TMBIM4: variants seen among roughly 807,000 people sequenced by gnomAD.
TMBIM4 encodes the protein protein lifeguard 4.
In TMBIM4, 28 loss-of-function variants were observed where a neutral mutation model predicts 27.7. That is an observed-to-expected ratio of 1.01 (90% CI 0.75 to 1.38). TMBIM4 has a LOEUF of 1.38. TMBIM4 is among the 40% of genes most tolerant of loss of function. TMBIM4 has a pLI of 0.00. For synonymous variants in TMBIM4, 115 were observed against 113.1 expected, an observed-to-expected ratio of 1.02 and a Z score of -0.11; for missense variants, 265 against 277.5, an observed-to-expected ratio of 0.95 and a Z score of 0.32.
intron 1 of TMBIM4, among the ~76,000 whole-genome samples, chr12:66,164,221 C>T (rs537505739): frequency 1.3e-5 from 2 of 152,074 alleles, no homozygotes; most frequent in African/African-American, 4.8e-5. Flanking sequence ...CTATGCAAAC[C>T]GACCCCCAAA....
At chr12:66,143,856 T>C (rs1476386857) in intron 5 of TMBIM4, among the ~76,000 whole-genome samples, 1 of 152,194 alleles carries the variant, frequency 6.6e-6, no homozygotes, top group Non-Finnish European at 1.5e-5. Flanking sequence ...CCACTTTGGC[T>C]TTGAGGCGTC....
chr12:66,158,508 ATG>A (rs2051983700), intron 1 of TMBIM4, among the ~76,000 whole-genome samples: 1 of 151,698 alleles, frequency 6.6e-6, no homozygotes. Context: ...GTGTGGTGGC[ATG>A]TGCCTGTAAT....
At chr12:66,169,228 A>C in intron 1 of TMBIM4, 1 of 697,032 alleles carries the variant, frequency 1.4e-6, no homozygotes, top group Non-Finnish European at 2.6e-6. Flanking sequence ...TGAGCATTTT[A>C]AATTCAAAAA....
At chr12:66,141,564 A>G (rs2051668523) in intron 5 of TMBIM4, among the ~76,000 whole-genome samples, 2 of 152,016 alleles carry the variant, frequency 1.3e-5, no homozygotes, top group African/African-American at 4.8e-5. Flanking sequence ...CCAAGATCCA[A>G]CTATGATTTC....
chr12:66,164,819 G>A (rs2052098886), intron 1 of TMBIM4, among the ~76,000 whole-genome samples: 1 of 152,196 alleles, frequency 6.6e-6, no homozygotes, highest in African/African-American at 2.4e-5. Context: ...TCACAAACAT[G>A]ACCTTACATG....
chr12:66,169,865 G>A lies in TMBIM4; in HGVS notation c.87C>T (p.His29=), dbSNP rs35353694. ...GAGGGGACAACGTACCCATTCGGAT[G>A]TGCACGGTGGCGGAGGCCACGCTGC... ...YGSSVASATV[H]IRMAFLRKVY... Residue 29 remains histidine (H), a synonymous_variant, in exon 1 of 7, where the codon CAC becomes CAT. Transcript: ENST00000358230. The A allele has an allele frequency of 9.5e-4, 1,445 of 1,513,678 alleles. 10 individuals are homozygous for A. In the African/African-American group the frequency reaches 0.014, roughly 15 times the overall value. 93.8% of individuals were successfully genotyped at this position (1,513,678 alleles called of 1,614,324 possible).
At chr12:66,166,464 CA>C (rs59822799) in intron 1 of TMBIM4, among the ~76,000 whole-genome samples, 9,474 of 100,172 alleles carry the variant, frequency 0.095, 243 homozygotes, top group East Asian at 0.34. Context: ...TACTTTGTCT[CA>C]AAAAAAAAAA....
intron 5 of TMBIM4, among the ~76,000 whole-genome samples, chr12:66,142,642 T>TGCC (rs1184575726): frequency 2.6e-5 from 4 of 151,976 alleles, no homozygotes; most frequent in Non-Finnish European, 5.9e-5. Context: ...TAAACATGCT[T>TGCC]GCCCTCTGCT....
intron 1 of TMBIM4, chr12:66,168,964 G>T: frequency 4.7e-6 from 1 of 214,544 alleles, no homozygotes; most frequent in Non-Finnish European, 9.3e-6. Context: ...GAGTTCACTG[G>T]CCAAAATAAT....
At chr12:66,160,350 C>CT (rs2052014009) in intron 1 of TMBIM4, 1 of 590,898 alleles carries the variant, frequency 1.7e-6, no homozygotes, top group African/African-American at 1.9e-5. Flanking sequence ...TCTTTTGACT[C>CT]TATCATTTCA....
At chr12:66,169,829 G>A (rs2052205565) in intron 1 of TMBIM4, 26 bp downstream of exon 1, 1 of 1,494,198 alleles carries the variant, frequency 6.7e-7, no homozygotes, top group African/African-American at 1.5e-5. Context: ...AAGCGGCTGG[G>A]AGGCACTGGA....
chr12:66,154,960 C>T (rs993735898), intron 1 of TMBIM4, among the ~76,000 whole-genome samples: 1 of 152,142 alleles, frequency 6.6e-6, no homozygotes, highest in Non-Finnish European at 1.5e-5. Context: ...CTCATAAGAA[C>T]ACTGAGTGTC....
intron 1 of TMBIM4, among the ~76,000 whole-genome samples, chr12:66,166,824 C>G (rs1203924712): frequency 6.6e-6 from 1 of 152,158 alleles, no homozygotes; most frequent in African/African-American, 2.4e-5. Context: ...AAACTTATGT[C>G]CACACAAAAA....
At chr12:66,160,461 T>C (rs930309343) in intron 1 of TMBIM4, among the ~76,000 whole-genome samples, 2 of 152,134 alleles carry the variant, frequency 1.3e-5, no homozygotes, top group Non-Finnish European at 2.9e-5. Context: ...AAGGTAACAA[T>C]CATCAAGTGG....
intron 3 of TMBIM4, among the ~76,000 whole-genome samples, chr12:66,149,409 C>T (rs1226272631): frequency 1.4e-5 from 2 of 139,748 alleles, no homozygotes; most frequent in Admixed American, 7.4e-5. Context: ...CGTGCCACTG[C>T]ACTCCAGCCT....
intron 3 of TMBIM4, among the ~76,000 whole-genome samples, chr12:66,149,439 T>G (rs1197827329): frequency 1.6e-5 from 2 of 122,482 alleles, no homozygotes; most frequent in African/African-American, 2.9e-5. Context: ...AGAGAGACCC[T>G]GTCTCAAAAA....
chr12:66,142,432 C>T (rs1473840670), intron 5 of TMBIM4, among the ~76,000 whole-genome samples: 1 of 150,078 alleles, frequency 6.7e-6, no homozygotes, highest in African/African-American at 2.5e-5. Flanking sequence ...AACAAGTTAG[C>T]CTGGCACAGT....
intron 1 of TMBIM4, among the ~76,000 whole-genome samples, chr12:66,159,721 C>A (rs1459647174): frequency 6.6e-6 from 1 of 152,184 alleles, no homozygotes; most frequent in African/African-American, 2.4e-5. Context: ...ATAGCTGCCA[C>A]CCTAAACGCT....
At chr12:66,152,429 G>C in intron 2 of TMBIM4, 53 bp from the exon 3 acceptor site, 1 of 1,218,416 alleles carries the variant, frequency 8.2e-7, no homozygotes. Context: ...AGCATGAGCA[G>C]TATTATCAAA....
Sources: allele counts gnomAD v4.1 joint callset (sites outside exome capture counted in the v4.1 genomes callset), GRCh38; gene constraint gnomAD v4.1.1; transcripts MANE v1.5; gene names NCBI Gene and HGNC (gene_info 2026-07-23, HGNC 2026-07-21).